Variants in RFX4 observed in about 807,000 individuals in gnomAD.
RFX4 encodes transcription factor RFX4.
RFX4 carries 10 observed loss-of-function variants against 95.0 expected under a neutral mutation model. That is an observed-to-expected ratio of 0.11 (90% CI 0.06 to 0.18). The LOEUF is 0.18. RFX4 is among the 10% of genes least tolerant of loss of function. The pLI is 1.00. For missense variants in RFX4, 640 were observed against 922.0 expected (o/e 0.69, Z 3.96); for synonymous variants, 321 against 340.7 (o/e 0.94, Z 0.64).
intron 7 of RFX4, among the ~76,000 whole-genome samples, chr12:106,689,928 T>C (rs1322860571): frequency 6.6e-6 from 1 of 151,956 alleles, no homozygotes; most frequent in Non-Finnish European, 1.5e-5. Context: ...GAGGAGGAAA[T>C]GAGAAAGGAT....
chr12:106,738,263 G>T (rs1211383316), intron 15 of RFX4, among the ~76,000 whole-genome samples: 1 of 152,218 alleles, frequency 6.6e-6, no homozygotes, highest in African/African-American at 2.4e-5. Context: ...AAACAGTTCT[G>T]CATTATGAAG....
In RFX4 at chr12:106,720,034, G is replaced by A. The variant is rs2042366837; in HGVS notation, c.1213G>A (p.Val405Ile). ...ESYIEWLDTM[V>I]DRCVVKVAAK... ...CTACATTGAGTGGCTGGATACCATG[G>A]TTGACCGCTGTGTTGTGAAGGTTGG... The change falls in exon 12 of 18, where the codon GTT (valine) becomes ATT (isoleucine). Residue 405 changes from valine (V) to isoleucine (I), a missense_variant. By Grantham distance (29) the Val-to-Ile change is conservative. This residue lies in a region of RFX4 where 72 missense variants were observed against 80.5 expected (regional missense o/e 0.89). Coordinates refer to ENST00000392842, the MANE Select transcript of RFX4 (RefSeq NM_213594.3). This position sits in a 1 kb window ranked among gnomAD's most constrained non-coding sequence, Gnocchi z 4.2. 1.2e-6 allele frequency: 2 copies of A among 1,614,210 alleles called. No homozygotes were observed. The highest frequency in any genetic ancestry group is 1.7e-6 in the Non-Finnish European group (2 of 1,180,028).
At chr12:106,662,187 A>C (rs1184534983) in intron 4 of RFX4, 2 of 415,176 alleles carry the variant, frequency 4.8e-6, no homozygotes. Context: ...ACAGCAATAA[A>C]TGAGAGTTCC....
chr12:106,675,460 G>GA (rs2041372963), intron 4 of RFX4, among the ~76,000 whole-genome samples: 1 of 151,804 alleles, frequency 6.6e-6, no homozygotes, highest in Non-Finnish European at 1.5e-5. Flanking sequence ...AAGAAGAAAA[G>GA]AAAATTGCTA....
chr12:106,656,445 C>T (rs914999243), intron 4 of RFX4, among the ~76,000 whole-genome samples: 1 of 152,184 alleles, frequency 6.6e-6, no homozygotes, highest in East Asian at 1.9e-4. Flanking sequence ...TTGCTTTTCA[C>T]AAGACAGCCC....
chr12:106,633,248 G>A (rs984471640), intron 2 of RFX4, among the ~76,000 whole-genome samples: 2 of 152,212 alleles, frequency 1.3e-5, no homozygotes, highest in African/African-American at 4.8e-5. Context: ...TGGCTTTGGG[G>A]TAGACCAGTT....
rs373772413 is a variant in RFX4 at position 106,671,286 on chromosome 12, G to A, written c.316-10707G>A. ...GTGGAATTTTTGGAAACAAACGCCC[G>A]ATGACTAAGATTGGAGATCAAACTG... On this transcript the variant is annotated intron_variant, in intron 4 of 17. Coordinates refer to ENST00000392842, the MANE Select transcript of RFX4 (RefSeq NM_213594.3). Among the ~76,000 whole-genome samples, 21 of 152,274 alleles carry A rather than the reference G, an allele frequency of 1.4e-4. No homozygotes were observed. In the East Asian group the frequency reaches 1.5e-3, roughly 11 times the overall value.
At chr12:106,584,893 T>C (rs2039431474) in intron 1 of RFX4, among the ~76,000 whole-genome samples, 1 of 152,172 alleles carries the variant, frequency 6.6e-6, no homozygotes, top group South Asian at 2.1e-4. Flanking sequence ...CTATACTCGA[T>C]GACAAACGAA....
At chr12:106,689,189 C>T in intron 6 of RFX4, 98 bp from the exon 7 acceptor site, 7 of 1,015,762 alleles carry the variant, frequency 6.9e-6, no homozygotes, top group Non-Finnish European at 1.1e-5. Context: ...TGCATCCCCC[C>T]CACAGGGAAG....
chr12:106,682,019 A>G lies in RFX4; in HGVS notation c.342A>G (p.Leu114=). 1 of 1,614,190 alleles carries G rather than the reference A, an allele frequency of 6.2e-7. No individual in the cohort carries two copies. Among genetic ancestry groups the G allele is most frequent in the African/African-American group, 1.3e-5 (1 of 75,052 alleles). Residue 114 remains leucine (L), a synonymous_variant, in exon 5 of 18, where the codon TTA becomes TTG. Transcript: ENST00000392842. Reference sequence around the variant, plus strand: ...TCATAAGGCAGCAGTTTCCTCAGTTAACCACCAGAAGACTCGGGACCCGAG... The same window carrying G: ...TCATAAGGCAGCAGTTTCCTCAGTTGACCACCAGAAGACTCGGGACCCGAG... The part of the protein sequence containing the change: ...GKIIRQQFPQ[L]TTRRLGTRGQ...
chr12:106,654,812 A>T (rs1056108100), intron 4 of RFX4, among the ~76,000 whole-genome samples: 1 of 151,940 alleles, frequency 6.6e-6, no homozygotes, highest in Non-Finnish European at 1.5e-5. Context: ...TCCACCTTAT[A>T]AAAAAAATGC....
At chr12:106,675,052 A>C (rs1220110725) in intron 4 of RFX4, among the ~76,000 whole-genome samples, 1 of 152,226 alleles carries the variant, frequency 6.6e-6, no homozygotes, top group African/African-American at 2.4e-5. Flanking sequence ...TTGGTCAAAG[A>C]ATACAAACTT....
chr12:106,657,851 A>G (rs1173163253), intron 4 of RFX4, among the ~76,000 whole-genome samples: 1 of 152,032 alleles, frequency 6.6e-6, no homozygotes, highest in Non-Finnish European at 1.5e-5. Flanking sequence ...AGCATTTATC[A>G]TGACTTGAAA....
intron 4 of RFX4, among the ~76,000 whole-genome samples, chr12:106,680,203 C>T (rs1020921832): frequency 9.2e-5 from 14 of 152,128 alleles, no homozygotes; most frequent in Admixed American, 7.9e-4. Context: ...TTTTTGTCAA[C>T]GATTCTCTGA....
chr12:106,750,757 A>G lies in RFX4; in HGVS notation c.1899A>G (p.Pro633=), dbSNP rs1395734629. 1.9e-6 allele frequency: 3 copies of G among 1,610,414 alleles called. No individual in the cohort carries two copies. The change falls in exon 17 of 18, where the codon CCA becomes CCG. Residue 633 remains proline, a synonymous_variant. Coordinates refer to ENST00000392842, the MANE Select transcript of RFX4 (RefSeq NM_213594.3). ...CTCATGACACAGCTATCTCTGGGCCACTCCACTATGCCCCTTACCACAGGA... is the reference window on the plus strand; with the variant it reads ...CTCATGACACAGCTATCTCTGGGCCGCTCCACTATGCCCCTTACCACAGGA... ...ALPHDTAISG[P]LHYAPYHRSS...
intron 15 of RFX4, among the ~76,000 whole-genome samples, chr12:106,738,346 T>C (rs2042749604): frequency 6.6e-6 from 1 of 152,168 alleles, no homozygotes. Context: ...TCAAAGGGAA[T>C]AAGGGATGGG....
At chr12:106,651,478 A>G (rs2040855684) in intron 3 of RFX4, among the ~76,000 whole-genome samples, 1 of 152,136 alleles carries the variant, frequency 6.6e-6, no homozygotes, top group South Asian at 2.1e-4. Flanking sequence ...TCCTAAACCC[A>G]ACTCTTCTAT....
At chr12:106,637,273 C>A (rs2040532706) in intron 2 of RFX4, among the ~76,000 whole-genome samples, 2 of 152,174 alleles carry the variant, frequency 1.3e-5, no homozygotes, top group Non-Finnish European at 2.9e-5. Context: ...TAAGCAACAA[C>A]AGTATCTGCC....
At chr12:106,740,465 A>G (rs2042786883) in intron 15 of RFX4, among the ~76,000 whole-genome samples, 1 of 152,214 alleles carries the variant, frequency 6.6e-6, no homozygotes, top group South Asian at 2.1e-4. Context: ...GGAATCACGA[A>G]AAATAAGCTG....
Sources: allele counts gnomAD v4.1 joint callset (sites outside exome capture counted in the v4.1 genomes callset), GRCh38; gene constraint gnomAD v4.1.1; regional missense constraint gnomAD v4.1.1; non-coding constraint Gnocchi (gnomAD v3.1); transcripts MANE v1.5; gene names NCBI Gene and HGNC (gene_info 2026-07-23, HGNC 2026-07-21).